Variants in FGF14 observed in about 807,000 individuals in gnomAD.
FGF14 encodes the protein fibroblast growth factor homologous factor 4.
Under a neutral mutation model 25.5 loss-of-function variants are expected in FGF14, and 5 were observed. The ratio of observed to expected loss-of-function variants is 0.20; its 90% confidence interval spans 0.10 to 0.41. The LOEUF is 0.41. Among genes scored for constraint, FGF14 ranks in the 10% least tolerant of loss-of-function variants. The probability of loss-of-function intolerance (pLI) is 1.00; values close to 1 mark genes in which losing one functional copy is unlikely to be tolerated. For synonymous variants in FGF14, 138 were observed against 118.3 expected, an observed-to-expected ratio of 1.17 and a Z score of -1.08; for missense variants, 222 against 320.1, an observed-to-expected ratio of 0.69 and a Z score of 2.34.
At chr13:102,167,308 A>G (rs1224502722) in intron 1 of FGF14, among the ~76,000 whole-genome samples, 2 of 94,828 alleles carry the variant, frequency 2.1e-5, no homozygotes, top group African/African-American at 1.0e-4. Context: ...ATTGCACTCC[A>G]TCTCAAAAAA....
At chr13:101,849,256 T>C (rs1387605691) in intron 3 of FGF14, among the ~76,000 whole-genome samples, 1 of 152,086 alleles carries the variant, frequency 6.6e-6, no homozygotes, top group African/African-American at 2.4e-5. Flanking sequence ...AAGGGGGTTT[T>C]CTGAGGACTG....
chr13:101,878,181 A>G (rs553012448), intron 1 of FGF14, among the ~76,000 whole-genome samples: 5 of 152,298 alleles, frequency 3.3e-5, no homozygotes, highest in African/African-American at 1.2e-4. Context: ...TAAATATTCC[A>G]TAATTTCCCA....
intron 1 of FGF14, among the ~76,000 whole-genome samples, chr13:102,157,589 T>C (rs925031922): frequency 1.6e-4 from 24 of 152,164 alleles, no homozygotes; most frequent in Non-Finnish European, 3.2e-4. Context: ...ATTCAGGACA[T>C]AGGCATGGGC....
chr13:101,916,807 G>A lies in FGF14; in HGVS notation c.-162C>T, dbSNP rs1384932747. 6.6e-6 allele frequency among the ~76,000 whole-genome samples: 1 copy of A among 152,142 alleles called. No individual in the cohort carries two copies. The highest frequency in any genetic ancestry group is 2.1e-4 in the South Asian group (1 of 4,834). On this transcript the variant is annotated 5_prime_UTR_variant, in exon 1 of 5. Transcript: ENST00000376143. ...GGGGAAGGGGGGCTCAGTCCTGACC[G>A]GGACCCATCGCCCTCTCCGCGGGGC...
chr13:102,094,043 G>A (rs1595250503), intron 1 of FGF14, among the ~76,000 whole-genome samples: 1 of 147,430 alleles, frequency 6.8e-6, no homozygotes, highest in South Asian at 2.2e-4. Flanking sequence ...CTTAATAAAG[G>A]AAGGTGAAGG....
chr13:101,886,438 T>C (rs569150853), intron 1 of FGF14, among the ~76,000 whole-genome samples: 13 of 152,188 alleles, frequency 8.5e-5, no homozygotes, highest in African/African-American at 2.9e-4. Context: ...AGAAAACACT[T>C]GGGGAAAAGG....
chr13:102,054,767 C>A (rs2042359281), intron 1 of FGF14, among the ~76,000 whole-genome samples: 1 of 152,174 alleles, frequency 6.6e-6, no homozygotes, highest in Non-Finnish European at 1.5e-5. Flanking sequence ...ACCTCTCCTC[C>A]CACCACAGAG....
At chr13:101,816,939 A>G (rs1214947400) in intron 3 of FGF14, among the ~76,000 whole-genome samples, 2 of 152,198 alleles carry the variant, frequency 1.3e-5, no homozygotes, top group African/African-American at 4.8e-5. Flanking sequence ...TAAAAAATTC[A>G]ATTTTGATTA....
chr13:101,826,565 A>G (rs1207025754), intron 3 of FGF14, among the ~76,000 whole-genome samples: 2 of 152,084 alleles, frequency 1.3e-5, no homozygotes, highest in Non-Finnish European at 2.9e-5. Flanking sequence ...TGGAATGGAA[A>G]GTACACAGCA....
intron 1 of FGF14, among the ~76,000 whole-genome samples, chr13:101,944,122 C>T (rs1479734965): frequency 2.0e-5 from 3 of 151,788 alleles, no homozygotes; most frequent in East Asian, 3.9e-4. Context: ...TTTTCAAAGA[C>T]AGTGCCATAC....
chr13:101,886,723 C>T (rs1363969955), intron 1 of FGF14, among the ~76,000 whole-genome samples: 7 of 152,030 alleles, frequency 4.6e-5, no homozygotes, highest in Admixed American at 4.6e-4. Context: ...CAAACTTTTG[C>T]ACAGCAGAGG....
intron 3 of FGF14, among the ~76,000 whole-genome samples, chr13:101,791,228 G>A (rs1365084023): frequency 2.6e-5 from 4 of 152,132 alleles, no homozygotes; most frequent in Non-Finnish European, 5.9e-5. Context: ...GGGTTGTTGT[G>A]AGGCTCAAAT....
intron 3 of FGF14, among the ~76,000 whole-genome samples, chr13:101,797,893 AGTT>A (rs1170918322): frequency 6.6e-6 from 1 of 152,100 alleles, no homozygotes; most frequent in East Asian, 1.9e-4. Context: ...ATTGTCTTGA[AGTT>A]GTTTCAAAAA....
intron 1 of FGF14, among the ~76,000 whole-genome samples, chr13:102,143,337 A>C (rs1425443414): frequency 1.3e-5 from 2 of 152,172 alleles, no homozygotes. Context: ...CCTTCTACTC[A>C]GATTTAAAAA....
At chr13:102,081,796 T>C (rs1377748958) in intron 1 of FGF14, among the ~76,000 whole-genome samples, 1 of 152,202 alleles carries the variant, frequency 6.6e-6, no homozygotes, top group Non-Finnish European at 1.5e-5. Flanking sequence ...CCAAAACTTT[T>C]AGGTAGTGTT....
intron 1 of FGF14, among the ~76,000 whole-genome samples, chr13:102,222,979 A>G (rs915738539): frequency 2.6e-5 from 4 of 152,226 alleles, no homozygotes; most frequent in African/African-American, 9.6e-5. Context: ...CTATGTAGAA[A>G]TAAGCTCTCA....
chr13:101,968,673 CAAAA>C, intron 1 of FGF14, among the ~76,000 whole-genome samples: 1 of 79,052 alleles, frequency 1.3e-5, no homozygotes, highest in South Asian at 5.1e-4. Flanking sequence ...ACTCCGTCTC[CAAAA>C]AAAAAAAAAA....
chr13:101,991,033 C>T (rs998170246), intron 1 of FGF14, among the ~76,000 whole-genome samples: 11 of 152,150 alleles, frequency 7.2e-5, no homozygotes, highest in Admixed American at 2.6e-4. Context: ...CCTTGGAGCA[C>T]AATGGAGCAC....
At chr13:102,234,711 T>C (rs2051250577) in intron 1 of FGF14, among the ~76,000 whole-genome samples, 3 of 152,228 alleles carry the variant, frequency 2.0e-5, no homozygotes, top group Admixed American at 2.0e-4. Context: ...TTCATTAATA[T>C]ATATACATAT....
Sources: gnomAD v4.1 joint callset for allele counts (sites outside exome capture counted in the v4.1 genomes callset) on GRCh38, gnomAD v4.1.1 for gene constraint, MANE v1.5 for transcripts, NCBI Gene and HGNC (gene_info 2026-07-23, HGNC 2026-07-21) for gene names.